Variants in AGBL1 observed in about 807,000 individuals in gnomAD.
AGBL1 encodes the protein AGBL carboxypeptidase 1.
In AGBL1, 130 loss-of-function variants were observed where a neutral mutation model predicts 118.9. The ratio of observed to expected loss-of-function variants is 1.09; its 90% CI spans 0.95 to 1.26. The LOEUF (loss-of-function observed/expected upper bound fraction) is 1.26. Ranked by LOEUF, AGBL1 falls within the 50% of genes most tolerant of loss-of-function variation. The pLI, the probability that AGBL1 is intolerant of heterozygous loss-of-function variation, is 0.00. For missense variants in AGBL1, 1,584 were observed against 1,298.1 expected, an observed-to-expected ratio of 1.22 and a Z score of -3.38; for synonymous variants, 555 against 478.9, an observed-to-expected ratio of 1.16 and a Z score of -2.08.
chr15:86,541,019 G>A (rs2083487899), intron 19 of AGBL1, among the ~76,000 whole-genome samples: 2 of 152,158 alleles, frequency 1.3e-5, no homozygotes, highest in South Asian at 2.1e-4. Context: ...TATCACCAAG[G>A]AGGCATAGCT....
chr15:86,741,032 C>G (rs556802577), intron 22 of AGBL1, among the ~76,000 whole-genome samples: 80 of 152,112 alleles, frequency 5.3e-4, no homozygotes, highest in Non-Finnish European at 7.6e-4. Context: ...TGCCTGGGAG[C>G]ACACTCAAAT....
intron 3 of AGBL1, among the ~76,000 whole-genome samples, chr15:86,146,567 G>C: frequency 6.6e-6 from 1 of 152,164 alleles, no homozygotes; most frequent in East Asian, 1.9e-4. Flanking sequence ...TCAGTGCCCT[G>C]GCAAACTAGG....
At chr15:86,873,994 T>A (rs2079767598) in intron 22 of AGBL1, among the ~76,000 whole-genome samples, 1 of 152,130 alleles carries the variant, frequency 6.6e-6, no homozygotes, top group African/African-American at 2.4e-5. Context: ...AGCCTGTGAG[T>A]CATTTACTAT....
At chr15:86,100,545 T>C (rs899339257) in intron 1 of AGBL1, among the ~76,000 whole-genome samples, 6 of 152,106 alleles carry the variant, frequency 3.9e-5, no homozygotes, top group Non-Finnish European at 7.4e-5. Context: ...TCATTACTCA[T>C]TATTGGTCTA....
chr15:86,698,207 TA>T (rs1382629990), intron 22 of AGBL1, among the ~76,000 whole-genome samples: 2 of 152,032 alleles, frequency 1.3e-5, no homozygotes, highest in Non-Finnish European at 2.9e-5. Context: ...GGAGATTGGT[TA>T]AAGTAGTCTT....
intron 21 of AGBL1, among the ~76,000 whole-genome samples, chr15:86,637,605 A>G (rs532363095): frequency 2.6e-4 from 39 of 152,230 alleles, no homozygotes; most frequent in Non-Finnish European, 5.0e-4. Context: ...GATTGGAAGC[A>G]GAAAGCAGTA....
chr15:87,016,803 A>G (rs2081611595), intron 24 of AGBL1, among the ~76,000 whole-genome samples: 1 of 152,132 alleles, frequency 6.6e-6, no homozygotes. Flanking sequence ...CTGGGAAATC[A>G]TGCTTCTCCC....
chr15:86,862,057 C>T (rs1211460185), intron 22 of AGBL1, among the ~76,000 whole-genome samples: 6 of 152,146 alleles, frequency 3.9e-5, no homozygotes, highest in Non-Finnish European at 7.3e-5. Flanking sequence ...CTTGTCCAAG[C>T]TACCAACCTC....
chr15:87,030,361 T>C (rs1030604648), downstream of AGBL1, among the ~76,000 whole-genome samples: 2 of 151,980 alleles, frequency 1.3e-5, no homozygotes, highest in Non-Finnish European at 2.9e-5. Context: ...AAGAACCAAA[T>C]TCTTAGATAT....
rs377656944 is a variant in AGBL1, at chr15:86,414,154, A to G, written c.2555+16608A>G. ...CACATGAACATAGAGTATGGAATGA[A>G]AGACACTGGAGACTCAAAAGGATAG... is the stretch of plus-strand genomic sequence containing the variant. On this transcript the variant is annotated intron_variant, in intron 18 of 22. Transcript: ENST00000614907. Among the ~76,000 whole-genome samples, 9 of 152,282 alleles carry G rather than the reference A, an allele frequency of 5.9e-5. No individual in the cohort carries two copies. In the East Asian group the frequency reaches 1.4e-3, roughly 23 times the overall value.
chr15:86,281,544 A>G (rs150772064), intron 16 of AGBL1, among the ~76,000 whole-genome samples: 2 of 152,176 alleles, frequency 1.3e-5, no homozygotes, highest in African/African-American at 4.8e-5. Context: ...TTGGACTCTG[A>G]TAAGGTTCCT....
At chr15:86,801,965 T>C (rs919168540) in intron 22 of AGBL1, among the ~76,000 whole-genome samples, 1 of 152,184 alleles carries the variant, frequency 6.6e-6, no homozygotes, top group Non-Finnish European at 1.5e-5. Flanking sequence ...CAACAACTTA[T>C]GGATGCTATT....
intron 17 of AGBL1, among the ~76,000 whole-genome samples, chr15:86,368,876 A>C (rs563774905): frequency 6.6e-6 from 1 of 152,332 alleles, no homozygotes; most frequent in South Asian, 2.1e-4. Context: ...AGATTAACCC[A>C]CACTTAGAAA....
intron 23 of AGBL1, among the ~76,000 whole-genome samples, chr15:86,970,498 C>T (rs2081096077): frequency 6.6e-6 from 1 of 151,912 alleles, no homozygotes; most frequent in African/African-American, 2.4e-5. Context: ...AACTCAGGCT[C>T]AACGACGTTG....
intron 17 of AGBL1, among the ~76,000 whole-genome samples, chr15:86,322,956 T>C (rs1316576530): frequency 1.3e-5 from 2 of 152,198 alleles, no homozygotes; most frequent in Non-Finnish European, 2.9e-5. Context: ...AGTGGTCTAT[T>C]AAATTTTCCA....
At chr15:86,408,381 A>G (rs959516013) in intron 18 of AGBL1, among the ~76,000 whole-genome samples, 1 of 152,202 alleles carries the variant, frequency 6.6e-6, no homozygotes, top group African/African-American at 2.4e-5. Context: ...CTCCTGCTGT[A>G]ACATCTCTCT....
intron 22 of AGBL1, among the ~76,000 whole-genome samples, chr15:86,680,871 C>T (rs367746757): frequency 2.6e-5 from 4 of 151,978 alleles, no homozygotes; most frequent in South Asian, 2.1e-4. Flanking sequence ...CTGGCCGCAC[C>T]CTGTCTTTTC....
At chr15:86,785,010 C>A (rs2078386702) in intron 22 of AGBL1, among the ~76,000 whole-genome samples, 1 of 152,058 alleles carries the variant, frequency 6.6e-6, no homozygotes, top group South Asian at 2.1e-4. Flanking sequence ...TAATAATTAT[C>A]AGTATAAATT....
At chr15:86,161,377 G>A (rs1333496048) in intron 5 of AGBL1, among the ~76,000 whole-genome samples, 1 of 152,138 alleles carries the variant, frequency 6.6e-6, no homozygotes, top group East Asian at 1.9e-4. Flanking sequence ...GCTCTGCAAG[G>A]CGGGTGCTAT....
Sources: gnomAD v4.1 joint callset for allele counts (sites outside exome capture counted in the v4.1 genomes callset) on GRCh38, gnomAD v4.1.1 for gene constraint, MANE v1.5 for transcripts, NCBI Gene and HGNC (gene_info 2026-07-23, HGNC 2026-07-21) for gene names.